The following TENM2 variants were observed in gnomAD, a reference collection of about 807,000 sequenced individuals.
TENM2 encodes teneurin-2.
TENM2 carries 52 observed loss-of-function variants against 245.2 expected under a neutral mutation model. That is an observed-to-expected ratio of 0.21 (90% CI 0.17 to 0.27). The LOEUF (loss-of-function observed/expected upper bound fraction) is 0.27, where lower values mean the gene tolerates loss of function less well. Ranked by LOEUF, TENM2 falls within the 10% of genes least tolerant of loss-of-function variation. TENM2 has a pLI of 1.00. For missense variants in TENM2, 3,046 were observed against 3,666.8 expected, an observed-to-expected ratio of 0.83 and a Z score of 4.37; for synonymous variants, 1,363 against 1,438.9, an observed-to-expected ratio of 0.95 and a Z score of 1.19.
In TENM2 at chr5:167,951,537, G is replaced by A. The variant is rs1780100222; in HGVS notation, c.713-1051G>A. On this transcript the variant is annotated intron_variant, in intron 3 of 28. Coordinates refer to ENST00000518659, the Ensembl canonical transcript of TENM2. Reference sequence around the variant, plus strand: ...GAAAACCTTGTGTGGAGTTGTCAGAGACAGCGATATCTACAAGGGGATATT... The same window carrying A: ...GAAAACCTTGTGTGGAGTTGTCAGAAACAGCGATATCTACAAGGGGATATT... Among the ~76,000 whole-genome samples the A allele has an allele frequency of 2.6e-5, 4 of 152,286 alleles. No homozygotes were observed. The South Asian group carries it at 8.3e-4, about 32-fold the overall frequency.
intron 23 of TENM2, among the ~76,000 whole-genome samples, chr5:168,220,348 TAC>T (rs1456804946): frequency 1.3e-5 from 2 of 152,176 alleles, no homozygotes; most frequent in Non-Finnish European, 2.9e-5. Flanking sequence ...GGGCCTGGTT[TAC>T]AGACTGTCAT....
intron 2 of TENM2, among the ~76,000 whole-genome samples, chr5:167,578,689 T>A (rs1774878126): frequency 6.6e-6 from 1 of 152,208 alleles, no homozygotes; most frequent in Admixed American, 6.5e-5. Context: ...TCTAAAAACA[T>A]ATATACTTTA....
At chr5:167,716,362 A>G (rs989390630) in intron 2 of TENM2, among the ~76,000 whole-genome samples, 16 of 152,212 alleles carry the variant, frequency 1.1e-4, no homozygotes, top group Non-Finnish European at 5.9e-5. Context: ...GTTGCATCGT[A>G]TCTGTGAAAT....
the TENM2 span, among the ~76,000 whole-genome samples, chr5:166,981,402 C>G: frequency 1.3e-5 from 2 of 152,118 alleles, no homozygotes; most frequent in Admixed American, 1.3e-4. Context: ...TTGAGTGAAG[C>G]ATTTGTTTGT....
intron 3 of TENM2, among the ~76,000 whole-genome samples, chr5:167,933,151 G>A (rs557167564): frequency 1.8e-4 from 28 of 152,324 alleles, no homozygotes; most frequent in African/African-American, 6.7e-4. Flanking sequence ...ATAACCCCAA[G>A]TAAAGAAATT....
At chr5:167,293,683 T>C (rs907562499) in intron 1 of TENM2, among the ~76,000 whole-genome samples, 14 of 152,264 alleles carry the variant, frequency 9.2e-5, no homozygotes, top group Admixed American at 7.9e-4. Flanking sequence ...AATAACCCCT[T>C]AAGTGGAAGT....
rs141910855 is a variant in TENM2, at chr5:167,435,351, G to A, written c.502+59878G>A. ...GGCAAGTCTTTCCTACGCTGTTATC[G>A]TGATATTGAATGAGTCTCACAAGAT... On this transcript the variant is annotated intron_variant, in intron 2 of 28. Coordinates refer to ENST00000518659, the Ensembl canonical transcript of TENM2. Among the ~76,000 whole-genome samples the A allele has an allele frequency of 5.1e-4, 77 of 152,232 alleles. 1 individual carries two copies. In the East Asian group the frequency reaches 9.7e-3, roughly 19 times the overall value.
At chr5:167,677,287 A>G (rs1294616122) in intron 2 of TENM2, among the ~76,000 whole-genome samples, 1 of 152,112 alleles carries the variant, frequency 6.6e-6, no homozygotes, top group Non-Finnish European at 1.5e-5. Context: ...TTTGCTTTGA[A>G]TATGTTATTA....
intron 2 of TENM2, among the ~76,000 whole-genome samples, chr5:167,453,592 A>G (rs1217540069): frequency 6.6e-6 from 1 of 152,206 alleles, no homozygotes; most frequent in Non-Finnish European, 1.5e-5. Flanking sequence ...AAGAAAAGCC[A>G]TTAAATTAGA....
chr5:167,769,514 C>T (rs1031664201), intron 2 of TENM2, among the ~76,000 whole-genome samples: 1 of 152,162 alleles, frequency 6.6e-6, no homozygotes, highest in Admixed American at 6.5e-5. Flanking sequence ...CTTACTATGG[C>T]AGTTTTGTTT....
chr5:167,810,721 A>G (rs1766574738), intron 2 of TENM2, among the ~76,000 whole-genome samples: 1 of 152,150 alleles, frequency 6.6e-6, no homozygotes, highest in Non-Finnish European at 1.5e-5. Context: ...TCCAAGTGCA[A>G]CAATTGGCCC....
At chr5:167,923,934 A>T (rs1777559124) in intron 3 of TENM2, among the ~76,000 whole-genome samples, 1 of 152,212 alleles carries the variant, frequency 6.6e-6, no homozygotes, top group Non-Finnish European at 1.5e-5. Context: ...AAGCAGAAAC[A>T]TGCCAGAATA....
intron 2 of TENM2, among the ~76,000 whole-genome samples, chr5:167,594,326 T>C (rs1776061583): frequency 6.6e-6 from 1 of 152,148 alleles, no homozygotes; most frequent in Non-Finnish European, 1.5e-5. Context: ...GAGATGCAAA[T>C]TTGAGAAAGC....
At chr5:167,288,703 G>A (rs1459414857) in intron 1 of TENM2, among the ~76,000 whole-genome samples, 1 of 152,134 alleles carries the variant, frequency 6.6e-6, no homozygotes, top group Non-Finnish European at 1.5e-5. Context: ...TCACTCCCTT[G>A]TTTACTTATA....
chr5:167,997,431 C>T (rs541174343), intron 5 of TENM2, among the ~76,000 whole-genome samples: 3 of 152,172 alleles, frequency 2.0e-5, no homozygotes, highest in Non-Finnish European at 4.4e-5. Context: ...GAAACTATAG[C>T]CCCTCCGCAG....
At chr5:167,107,372 T>C in the TENM2 span, among the ~76,000 whole-genome samples, 16 of 152,040 alleles carry the variant, frequency 1.1e-4, no homozygotes, top group African/African-American at 2.9e-4. Context: ...AGTACATATA[T>C]TTGGTTTTGA....
chr5:167,109,233 T>TG, the TENM2 span, among the ~76,000 whole-genome samples: 1 of 151,634 alleles, frequency 6.6e-6, no homozygotes, highest in East Asian at 1.9e-4. Flanking sequence ...TCTTTTAATT[T>TG]TTTTTTTTTT....
At chr5:168,233,023 T>C (rs973930155) in intron 25 of TENM2, among the ~76,000 whole-genome samples, 1 of 152,228 alleles carries the variant, frequency 6.6e-6, no homozygotes, top group Admixed American at 6.5e-5. Flanking sequence ...TCACTCACTC[T>C]GGCCTTGCAA....
At chr5:167,952,175 A>G (rs149401004) in intron 3 of TENM2, among the ~76,000 whole-genome samples, 1 of 152,308 alleles carries the variant, frequency 6.6e-6, no homozygotes, top group Non-Finnish European at 1.5e-5. Flanking sequence ...CATATTCTTA[A>G]TATCTTCAAA....
Sources: gnomAD v4.1 joint callset for allele counts (sites outside exome capture counted in the v4.1 genomes callset) on GRCh38, gnomAD v4.1.1 for gene constraint, MANE v1.5 for transcripts, NCBI Gene and HGNC (gene_info 2026-07-23, HGNC 2026-07-21) for gene names.